Variants in STAMBP observed in about 807,000 individuals in gnomAD.
The protein encoded by STAMBP is STAM-binding protein.
STAMBP carries 31 observed loss-of-function variants against 50.7 expected under a neutral mutation model. The observed-to-expected ratio is 0.61, with a 90% CI of 0.46 to 0.83. The LOEUF is 0.83. Among genes scored for constraint, STAMBP ranks in the 40% least tolerant of loss-of-function variants. The probability of loss-of-function intolerance (pLI) is 0.00; values close to 1 mark genes in which losing one functional copy is unlikely to be tolerated. For missense variants in STAMBP, 472 were observed against 518.9 expected, an observed-to-expected ratio of 0.91 and a Z score of 0.88; for synonymous variants, 211 against 192.4, an observed-to-expected ratio of 1.10 and a Z score of -0.80.
intron 7 of STAMBP, among the ~76,000 whole-genome samples, chr2:73,851,952 A>G (rs115020307): frequency 0.011 from 1,642 of 152,236 alleles, 37 homozygotes; most frequent in African/African-American, 0.037. Context: ...ATATGTTTTA[A>G]TGTAGTACAT....
chr2:73,859,903 G>A, intron 8 of STAMBP, 149 bp from the exon 9 acceptor site: 1 of 586,364 alleles, frequency 1.7e-6, no homozygotes, highest in Non-Finnish European at 3.1e-6. Context: ...CCAGAGAAGA[G>A]ACCTGTGAGG....
Position 73,840,589 on chromosome 2 carries a change from C to T in STAMBP, c.204-4224C>T, listed in dbSNP as rs147762420. Among the ~76,000 whole-genome samples the T allele has an allele frequency of 4.7e-3, 709 of 151,550 alleles. 10 individuals are homozygous for T. The highest frequency in any genetic ancestry group is 0.016 in the African/African-American group (665 of 41,386). On this transcript the variant is annotated intron_variant, in intron 2 of 9. Transcript: ENST00000394070. ...CGAAACCCCATCTCTACTAAAAATA[C>T]GCAAATTAGCTGGGCGTGGTAGCAG...
chr2:73,861,873 C>CAA (rs1390837013), intron 9 of STAMBP, among the ~76,000 whole-genome samples: 2 of 152,032 alleles, frequency 1.3e-5, no homozygotes, highest in Non-Finnish European at 2.9e-5. Context: ...CACGGTGGCT[C>CAA]ACGCCTATAA....
rs915086729 is a variant in STAMBP at position 73,865,821 on chromosome 2, A to G, written c.*3562A>G. On this transcript the variant is annotated 3_prime_UTR_variant, in exon 10 of 10. Transcript: ENST00000394070. Reference sequence around the variant, plus strand: ...CTCTGCCCATTCAGCATACAGCTAGAGGAATCTTTGGGCAGATCCACATTC... The same window carrying G: ...CTCTGCCCATTCAGCATACAGCTAGGGGAATCTTTGGGCAGATCCACATTC... 6.6e-6 allele frequency: 1 copy of G among 152,224 alleles called. No homozygotes were observed. The highest frequency in any genetic ancestry group is 6.5e-5 in the Admixed American group (1 of 15,276). The allele number at this position is 152,224 out of a possible 1,614,324, so 9.4% of individuals were successfully genotyped here. A position where few individuals can be genotyped will look rare whatever the true frequency, so the allele number is the denominator to read the frequency against.
chr2:73,849,279 G>A, intron 5 of STAMBP, 84 bp from the exon 6 acceptor site: 1 of 1,600,782 alleles, frequency 6.2e-7, no homozygotes, highest in Non-Finnish European at 8.5e-7. Flanking sequence ...GCTTAATGTT[G>A]CTCCTCCAGG....
chr2:73,829,911 G>A (rs1673692218), intron 1 of STAMBP, among the ~76,000 whole-genome samples: 1 of 152,222 alleles, frequency 6.6e-6, no homozygotes, highest in Non-Finnish European at 1.5e-5. Context: ...AGTTGCCACA[G>A]GGCCTTGAAT....
At chr2:73,839,086 A>G (rs759516012) in intron 2 of STAMBP, among the ~76,000 whole-genome samples, 19 of 152,188 alleles carry the variant, frequency 1.2e-4, no homozygotes, top group Non-Finnish European at 2.2e-4. Flanking sequence ...TGCCTCCCCT[A>G]CTACTGAGAA....
At chr2:73,856,245 A>G (rs1227290621) in intron 7 of STAMBP, among the ~76,000 whole-genome samples, 2 of 152,216 alleles carry the variant, frequency 1.3e-5, no homozygotes, top group Non-Finnish European at 2.9e-5. Context: ...CCTACCTCCC[A>G]TATCTTCCTT....
Position 73,850,263 on chromosome 2 carries a change from T to C in STAMBP, c.868-113T>C. On this transcript the variant is annotated intron_variant, in intron 6 of 9. Transcript: ENST00000394070. This position sits in a 1 kb window ranked among gnomAD's most constrained non-coding sequence, Gnocchi z 4.3. ...CCACTGAGTGGCAGGACTCCTGCTG[T>C]GTGGGAAGGGCTTTCACTTGTATAG... 1 of 1,369,982 alleles carries C rather than the reference T, an allele frequency of 7.3e-7. No individual in the cohort carries two copies. Among genetic ancestry groups the C allele is most frequent in the Non-Finnish European group, 9.9e-7 (1 of 1,014,832 alleles). 84.9% of individuals were successfully genotyped at this position (1,369,982 alleles called of 1,614,324 possible). A position where few individuals can be genotyped will look rare whatever the true frequency, so the allele number is the denominator to read the frequency against.
downstream of STAMBP, among the ~76,000 whole-genome samples, chr2:73,867,622 A>G (rs1361502920): frequency 6.6e-6 from 1 of 152,252 alleles, no homozygotes; most frequent in Non-Finnish European, 1.5e-5. Context: ...ATAATCATTC[A>G]TCTTTTATTT....
intron 7 of STAMBP, among the ~76,000 whole-genome samples, chr2:73,857,843 A>G (rs936272203): frequency 1.3e-5 from 2 of 152,026 alleles, no homozygotes; most frequent in Non-Finnish European, 2.9e-5. Context: ...ACAAATCCTC[A>G]TCTGTTTAGT....
chr2:73,856,793 C>G (rs1241479494), intron 7 of STAMBP, among the ~76,000 whole-genome samples: 1 of 152,182 alleles, frequency 6.6e-6, no homozygotes, highest in African/African-American at 2.4e-5. Flanking sequence ...CCCTGAGATG[C>G]AAATGTCTTT....
rs10685610 is a variant in STAMBP at position 73,847,081 on chromosome 2, C to CAAA, written c.376-291_376-289dup. On this transcript the variant is annotated intron_variant, in intron 4 of 9. Transcript: ENST00000394070. ...TGGGAAACAGAATGAGACCCTGTCTCAAAAAAAAAAAAAAAAAGATTTCAG... is the reference window on the plus strand; with the variant it reads ...TGGGAAACAGAATGAGACCCTGTCTCAAAAAAAAAAAAAAAAAAAAGATTTCAG... Among the ~76,000 whole-genome samples, 29,730 of 95,508 alleles carry CAAA rather than the reference C, an allele frequency of 0.31. 3,432 individuals carry two copies. Among genetic ancestry groups the CAAA allele is most frequent in the Middle Eastern group, 0.43 (63 of 148 alleles). The allele number at this position is 95,508 out of a possible 152,430, so 62.7% of individuals were successfully genotyped here. A position where few individuals can be genotyped will look rare whatever the true frequency, so the allele number is the denominator to read the frequency against.
chr2:73,852,406 C>T (rs2689774), intron 7 of STAMBP, among the ~76,000 whole-genome samples: 148,180 of 152,256 alleles, frequency 0.97, 72,127 homozygotes, highest in East Asian at 1. Flanking sequence ...TATTAAATCA[C>T]TGGAGGTAGT....
intron 2 of STAMBP, 52 bp downstream of exon 2, chr2:73,831,111 A>G (rs751017067): frequency 1.3e-5 from 19 of 1,504,494 alleles, no homozygotes; most frequent in East Asian, 4.5e-5. Context: ...TGCCTCGCCT[A>G]TTTGGCTCAG....
downstream of STAMBP, among the ~76,000 whole-genome samples, chr2:73,867,974 A>G (rs1249244939): frequency 1.3e-5 from 2 of 151,976 alleles, no homozygotes; most frequent in East Asian, 3.9e-4. Context: ...AAAATACAAA[A>G]TTAGCCGGCT....
chr2:73,856,693 A>G (rs1315042011), intron 7 of STAMBP, among the ~76,000 whole-genome samples: 3 of 152,222 alleles, frequency 2.0e-5, no homozygotes. Context: ...TGAATCCAAC[A>G]TCATAGTCCT....
In STAMBP at chr2:73,844,833, C is replaced by T. The variant is rs774295960; in HGVS notation, c.224C>T (p.Pro75Leu). The change falls in exon 3 of 10, where the codon CCA becomes CTA. Residue 75 changes from proline to leucine, a missense_variant. By Grantham distance (98) the Pro-to-Leu change is moderately conservative (BLOSUM62 -3). Coordinates refer to ENST00000394070, the MANE Select transcript of STAMBP (RefSeq NM_213622.4). ...CTTAGGCTCTTTATTGAGAAACTACCAAAACATCGAGATTACAAATCTGCT... is the reference window on the plus strand; with the variant it reads ...CTTAGGCTCTTTATTGAGAAACTACTAAAACATCGAGATTACAAATCTGCT... ...KYITLFIEKL[P>L]KHRDYKSAVI... 2.5e-6 allele frequency: 4 copies of T among 1,613,902 alleles called. No individual in the cohort carries two copies. The highest frequency in any genetic ancestry group is 3.4e-6 in the Non-Finnish European group (4 of 1,179,938).
chr2:73,851,464 A>G (rs950186623), intron 7 of STAMBP, among the ~76,000 whole-genome samples: 4 of 152,200 alleles, frequency 2.6e-5, no homozygotes, highest in Non-Finnish European at 5.9e-5. Context: ...GCACTGTGGA[A>G]TTCAGAGGAA....
Sources: gnomAD v4.1 joint callset for allele counts (sites outside exome capture counted in the v4.1 genomes callset) on GRCh38, gnomAD v4.1.1 for gene constraint, Gnocchi (gnomAD v3.1) non-coding constraint, MANE v1.5 for transcripts, NCBI Gene and HGNC (gene_info 2026-07-23, HGNC 2026-07-21) for gene names.